UBXN4: variants seen among roughly 807,000 people sequenced by gnomAD.
UBXN4 encodes the protein UBX domain-containing protein 4.
UBXN4 carries 35 observed loss-of-function variants against 66.2 expected under a neutral mutation model. The observed-to-expected ratio is 0.53, with a 90% CI of 0.40 to 0.70. The LOEUF (loss-of-function observed/expected upper bound fraction) is 0.70. Among genes scored for constraint, UBXN4 ranks in the 30% least tolerant of loss-of-function variants. The pLI is 0.00. For synonymous variants in UBXN4, 203 were observed against 204.5 expected (o/e 0.99, Z 0.06); for missense variants, 533 against 599.8 (o/e 0.89, Z 1.16).
chr2:135,748,420 C>T, intron 2 of UBXN4, 51 bp downstream of exon 2: 1 of 1,350,932 alleles, frequency 7.4e-7, no homozygotes, highest in Non-Finnish European at 9.9e-7. Context: ...TAAGTATTGT[C>T]TTTGATTTAT....
intron 6 of UBXN4, among the ~76,000 whole-genome samples, chr2:135,767,490 T>C (rs1404377353): frequency 1.3e-5 from 2 of 152,256 alleles, no homozygotes; most frequent in African/African-American, 4.8e-5. Context: ...AGTTGTCTGT[T>C]TGTGAACTTT....
intron 1 of UBXN4, among the ~76,000 whole-genome samples, chr2:135,745,526 C>T (rs1302689991): frequency 3.3e-5 from 5 of 152,096 alleles, no homozygotes; most frequent in Non-Finnish European, 7.3e-5. Context: ...CAGACAATGT[C>T]TCATTTGGTT....
At chr2:135,754,074 ATTT>A (rs2077264033) in intron 3 of UBXN4, 82 bp from the exon 4 acceptor site, 13 of 942,514 alleles carry the variant, frequency 1.4e-5, no homozygotes, top group Non-Finnish European at 2.1e-5. Flanking sequence ...CACAAAGATC[ATTT>A]GTTTTCCTTT....
chr2:135,766,983 C>G (rs2077352183), intron 6 of UBXN4, among the ~76,000 whole-genome samples: 1 of 152,142 alleles, frequency 6.6e-6, no homozygotes, highest in Non-Finnish European at 1.5e-5. Flanking sequence ...GATCTACCCC[C>G]TCTACTTTCC....
intron 5 of UBXN4, among the ~76,000 whole-genome samples, chr2:135,756,247 C>T (rs1292131156): frequency 1.3e-5 from 2 of 152,074 alleles, no homozygotes; most frequent in Non-Finnish European, 2.9e-5. Flanking sequence ...TTGTATTAGG[C>T]AACCGAGGGG....
chr2:135,754,058 G>GA (rs2077263865), intron 3 of UBXN4, 101 bp from the exon 4 acceptor site: 7 of 843,166 alleles, frequency 8.3e-6, no homozygotes, highest in Non-Finnish European at 7.6e-6. Context: ...ATTATATTGT[G>GA]AAAATCACAA....
chr2:135,767,915 A>G (rs900342427), intron 6 of UBXN4, among the ~76,000 whole-genome samples: 3 of 151,960 alleles, frequency 2.0e-5, no homozygotes, highest in African/African-American at 7.3e-5. Flanking sequence ...CCATTTCTCT[A>G]TTCTTTTTGG....
intron 5 of UBXN4, among the ~76,000 whole-genome samples, chr2:135,756,115 G>T (rs928216907): frequency 2.6e-5 from 4 of 152,050 alleles, no homozygotes; most frequent in Admixed American, 2.0e-4. Flanking sequence ...TTGATTAGAG[G>T]TAAAAGATAA....
intron 12 of UBXN4, 72 bp from the exon 13 acceptor site, chr2:135,782,677 T>C: frequency 7.7e-6 from 12 of 1,561,506 alleles, no homozygotes; most frequent in Admixed American, 1.9e-5. Context: ...CTGATGGAAG[T>C]TGGAAACAGC....
intron 6 of UBXN4, among the ~76,000 whole-genome samples, chr2:135,768,990 C>T (rs2077365773): frequency 6.6e-6 from 1 of 152,072 alleles, no homozygotes; most frequent in African/African-American, 2.4e-5. Context: ...ATGTGAGCCA[C>T]CACACCCAGC....
intron 6 of UBXN4, among the ~76,000 whole-genome samples, chr2:135,769,148 C>T (rs1187500339): frequency 6.6e-6 from 1 of 152,158 alleles, no homozygotes; most frequent in Admixed American, 6.5e-5. Flanking sequence ...ACTACAGGCA[C>T]ACGCCACCAT....
intron 2 of UBXN4, among the ~76,000 whole-genome samples, chr2:135,752,517 G>A (rs1201347185): frequency 2.0e-5 from 3 of 152,068 alleles, no homozygotes; most frequent in Non-Finnish European, 4.4e-5. Flanking sequence ...AGTTTTTATT[G>A]GTATATAGAT....
intron 1 of UBXN4, among the ~76,000 whole-genome samples, chr2:135,747,316 A>G (rs1381046841): frequency 4.2e-5 from 6 of 144,292 alleles, no homozygotes. Context: ...CCATTGCACT[A>G]CAACCTGAGC....
rs1193406125 is a variant in UBXN4, at chr2:135,784,189, C to A, written c.*1302C>A. 1 of 152,160 alleles carries A rather than the reference C, an allele frequency of 6.6e-6. No homozygotes were observed. Among genetic ancestry groups the A allele is most frequent in the Non-Finnish European group, 1.5e-5 (1 of 68,028 alleles). 9.4% of individuals were successfully genotyped at this position (152,160 alleles called of 1,614,324 possible). A position where few individuals can be genotyped will look rare whatever the true frequency, so the allele number is the denominator to read the frequency against. On this transcript the variant is annotated 3_prime_UTR_variant, in exon 13 of 13. Transcript: ENST00000272638. ...ATACCGTTTGATCCAGTAGCTTCTTCTAAATCATAAATGCAGACAATGTTT... is the reference window on the plus strand; with the variant it reads ...ATACCGTTTGATCCAGTAGCTTCTTATAAATCATAAATGCAGACAATGTTT...
chr2:135,754,022 A>G, intron 3 of UBXN4, 137 bp from the exon 4 acceptor site: 2 of 656,888 alleles, frequency 3.0e-6, no homozygotes, highest in South Asian at 4.0e-5. Context: ...ATGATGCAGT[A>G]CTTGAAATTA....
At chr2:135,756,267 C>G (rs1176789296) in intron 5 of UBXN4, among the ~76,000 whole-genome samples, 1 of 152,002 alleles carries the variant, frequency 6.6e-6, no homozygotes, top group Non-Finnish European at 1.5e-5. Context: ...GTAAATAAAT[C>G]AAGATGTTAG....
At position 135,769,781 on chromosome 2, in the gene UBXN4, A is replaced by G; in HGVS notation, c.615A>G (p.Lys205=). Residue 205 remains lysine, a synonymous_variant, in exon 7 of 13, where the codon AAA becomes AAG. Transcript: ENST00000272638. The part of the protein sequence containing the change: ...LNIRVERLTK[K]LEERREEKRK... ...TTTTTTAATACAGACTAACAAAAAAACTTGAAGAAAGGAGAGAAGAGAAAA... is the reference window on the plus strand; with the variant it reads ...TTTTTTAATACAGACTAACAAAAAAGCTTGAAGAAAGGAGAGAAGAGAAAA... 1.9e-6 allele frequency: 3 copies of G among 1,591,876 alleles called. No homozygotes were observed. The highest frequency in any genetic ancestry group is 2.6e-6 in the Non-Finnish European group (3 of 1,173,044).
chr2:135,771,155 T>A (rs2077380821), intron 8 of UBXN4, among the ~76,000 whole-genome samples: 1 of 152,054 alleles, frequency 6.6e-6, no homozygotes, highest in Non-Finnish European at 1.5e-5. Flanking sequence ...TTGCAACAAT[T>A]GCTTTTATAA....
chr2:135,772,467 A>G lies in UBXN4; in HGVS notation c.870A>G (p.Val290=), dbSNP rs2077389035. The G allele has an allele frequency of 3.1e-6, 5 of 1,614,214 alleles. No individual in the cohort carries two copies. In the East Asian group the frequency reaches 8.9e-5, roughly 29 times the overall value. ...AARFAKTKEE[V]EAAKAAALLA... is the part of the protein sequence containing the mutation. Reference sequence around the variant, plus strand: ...GTTTTGCAAAGACAAAGGAAGAAGTAGAGGCTGCCAAAGCTGCTGCCTTGC... The same window carrying G: ...GTTTTGCAAAGACAAAGGAAGAAGTGGAGGCTGCCAAAGCTGCTGCCTTGC... The change falls in exon 9 of 13, where the codon GTA becomes GTG. Residue 290 remains valine, a synonymous_variant. Coordinates refer to ENST00000272638, the MANE Select transcript of UBXN4 (RefSeq NM_014607.4).
Sources: gnomAD v4.1 joint callset for allele counts (sites outside exome capture counted in the v4.1 genomes callset) on GRCh38, gnomAD v4.1.1 for gene constraint, MANE v1.5 for transcripts, NCBI Gene and HGNC (gene_info 2026-07-23, HGNC 2026-07-21) for gene names.